The following OR1J2 variants were observed in gnomAD, a reference collection of about 807,000 sequenced individuals.
OR1J2 encodes olfactory receptor 1J2.
For missense variants in OR1J2, 304 were observed against 246.1 expected (o/e 1.24, Z -1.57); for synonymous variants, 142 against 99.7 (o/e 1.42, Z -2.52).
At chr9:122,498,571 C>G in the OR1J2 span, among the ~76,000 whole-genome samples, 1 of 152,108 alleles carries the variant, frequency 6.6e-6, no homozygotes, top group African/African-American at 2.4e-5. Context: ...TTCAACCTTG[C>G]CTTGAATCTC....
chr9:122,571,631 G>A, the OR1J2 span, among the ~76,000 whole-genome samples: 72 of 151,310 alleles, frequency 4.8e-4, no homozygotes, highest in African/African-American at 1.7e-3. Context: ...CAGAAGAATC[G>A]CTTGAACCCG....
chr9:122,559,104 G>T, the OR1J2 span, among the ~76,000 whole-genome samples: 2,826 of 151,900 alleles, frequency 0.019, 79 homozygotes, highest in African/African-American at 0.064. Context: ...ATACATTATT[G>T]TTAACTATAT....
At chr9:122,451,115 C>T in the OR1J2 span, among the ~76,000 whole-genome samples, 634 of 150,240 alleles carry the variant, frequency 4.2e-3, 1 homozygote, top group African/African-American at 0.013. Context: ...TTTAGTTGGA[C>T]TATCTTCTCT....
chr9:122,450,343 A>G, the OR1J2 span, among the ~76,000 whole-genome samples: 1 of 152,198 alleles, frequency 6.6e-6, no homozygotes, highest in Non-Finnish European at 1.5e-5. Context: ...AGGCACGCAA[A>G]TCACTTGAAC....
chr9:122,452,178 C>T, the OR1J2 span, among the ~76,000 whole-genome samples: 1 of 151,820 alleles, frequency 6.6e-6, no homozygotes, highest in Non-Finnish European at 1.5e-5. Flanking sequence ...GCGCCCAGCC[C>T]AAGGAATAAG....
At chr9:122,490,489 T>A in the OR1J2 span, among the ~76,000 whole-genome samples, 1 of 152,162 alleles carries the variant, frequency 6.6e-6, no homozygotes, top group African/African-American at 2.4e-5. Flanking sequence ...TCTTTTCTTC[T>A]CCCCTCATGC....
chr9:122,463,820 A>G, the OR1J2 span, among the ~76,000 whole-genome samples: 4 of 152,122 alleles, frequency 2.6e-5, no homozygotes, highest in African/African-American at 9.7e-5. Flanking sequence ...ACCTGCTCCA[A>G]TGGAGGTAGC....
the OR1J2 span, among the ~76,000 whole-genome samples, chr9:122,467,855 T>G: frequency 1.3e-5 from 2 of 152,192 alleles, no homozygotes; most frequent in African/African-American, 4.8e-5. Context: ...ATCCCCATAC[T>G]GTATTAAATC....
the OR1J2 span, chr9:122,576,894 T>C: frequency 1.3e-5 from 2 of 152,242 alleles, no homozygotes; most frequent in African/African-American, 4.8e-5. Flanking sequence ...CTCACTTCTC[T>C]GATGGATCTA....
At chr9:122,568,067 C>T in the OR1J2 span, 17 of 1,613,784 alleles carry the variant, frequency 1.1e-5, no homozygotes, top group East Asian at 2.2e-5. Flanking sequence ...GGTGGTGGCT[C>T]ATGGTGGTGA....
the OR1J2 span, among the ~76,000 whole-genome samples, chr9:122,478,317 A>G: frequency 6.6e-6 from 1 of 152,204 alleles, no homozygotes; most frequent in African/African-American, 2.4e-5. Flanking sequence ...AGTCACAGCA[A>G]TAGGAAGAGG....
chr9:122,499,998 T>G, the OR1J2 span, among the ~76,000 whole-genome samples: 3 of 152,176 alleles, frequency 2.0e-5, no homozygotes, highest in African/African-American at 7.2e-5. Context: ...AGGAGCACAA[T>G]TATAGCACCT....
At chr9:122,537,275 CA>C in the OR1J2 span, among the ~76,000 whole-genome samples, 1 of 152,236 alleles carries the variant, frequency 6.6e-6, no homozygotes, top group African/African-American at 2.4e-5. Flanking sequence ...TTCTGCTATA[CA>C]ATGTCTGGAA....
At chr9:122,482,270 C>G in the OR1J2 span, among the ~76,000 whole-genome samples, 3 of 152,052 alleles carry the variant, frequency 2.0e-5, no homozygotes, top group East Asian at 5.8e-4. Flanking sequence ...TATGGAAAAC[C>G]ACTTATATAA....
chr9:122,510,388 T>G (rs1047152711), upstream of OR1J2, among the ~76,000 whole-genome samples: 1 of 152,184 alleles, frequency 6.6e-6, no homozygotes, highest in African/African-American at 2.4e-5. Flanking sequence ...AAATACTGAC[T>G]CTCAGTAACA....
At chr9:122,562,911 G>A in the OR1J2 span, among the ~76,000 whole-genome samples, 4 of 152,198 alleles carry the variant, frequency 2.6e-5, no homozygotes, top group South Asian at 8.3e-4. Context: ...AAAAAAATCC[G>A]TGTATCCACT....
chr9:122,540,741 C>G, the OR1J2 span, among the ~76,000 whole-genome samples: 1 of 152,142 alleles, frequency 6.6e-6, no homozygotes, highest in Non-Finnish European at 1.5e-5. Flanking sequence ...ATTCTTCCTA[C>G]CCATGAGCAT....
chr9:122,447,444 A>G, the OR1J2 span: 10 of 151,938 alleles, frequency 6.6e-5, no homozygotes, highest in Non-Finnish European at 1.5e-5. Context: ...GTTACTGGGC[A>G]TGGAGTCATC....
chr9:122,458,064 T>C, the OR1J2 span, among the ~76,000 whole-genome samples: 1 of 152,182 alleles, frequency 6.6e-6, no homozygotes, highest in Non-Finnish European at 1.5e-5. Context: ...TGGGACATTT[T>C]CCCCTTTGTC....
Sources: allele counts gnomAD v4.1 joint callset (sites outside exome capture counted in the v4.1 genomes callset), GRCh38; gene constraint gnomAD v4.1.1; transcripts MANE v1.5; gene names NCBI Gene and HGNC (gene_info 2026-07-23, HGNC 2026-07-21).